GJB3: variants seen among roughly 807,000 people sequenced by gnomAD.
GJB3 encodes the protein gap junction beta-3 protein.
Under a neutral mutation model 8.1 loss-of-function variants are expected in GJB3, and 6 were observed. The ratio of observed to expected loss-of-function variants is 0.75; its 90% CI spans 0.41 to 1.47. The LOEUF is 1.47. Among genes scored for constraint, GJB3 ranks in the 40% most tolerant of loss-of-function variants. The probability of loss-of-function intolerance (pLI) is 0.02; values close to 1 mark genes in which losing one functional copy is unlikely to be tolerated. For synonymous variants in GJB3, 137 were observed against 156.4 expected (o/e 0.88, Z 0.93); for missense variants, 348 against 365.6 (o/e 0.95, Z 0.39).
At position 34,785,026 on chromosome 1, in the gene GJB3, G is replaced by A. The variant is rs201469743; in HGVS notation, c.264G>A (p.Ser88=). Residue 88 remains serine, a synonymous_variant, in exon 2 of 2, where the codon TCG becomes TCA. Transcript: ENST00000373366. The surrounding 1 kb of genome is among the most constrained non-coding windows in gnomAD (Gnocchi z 4.7). ...ALQLIFVTCP[S]LLVILHVAYR... ...AGCTCATCTTCGTCACATGCCCCTC[G>A]CTGCTGGTCATCCTGCACGTGGCCT... The A allele has an allele frequency of 3.0e-4, 483 of 1,614,080 alleles. No homozygotes were observed. The highest frequency in any genetic ancestry group is 4.7e-4 in the East Asian group (21 of 44,870).
intron 1 of GJB3, among the ~76,000 whole-genome samples, chr1:34,783,302 A>C (rs1640044969): frequency 6.6e-6 from 1 of 152,160 alleles, no homozygotes; most frequent in African/African-American, 2.4e-5. Context: ...GGGCTCTTTC[A>C]GACCCAGGGT....
rs1640087003 is a variant in GJB3 at position 34,785,215 on chromosome 1, T to G, written c.453T>G (p.Thr151=). 1.2e-6 allele frequency: 2 copies of G among 1,613,960 alleles called. No individual in the cohort carries two copies. Among genetic ancestry groups the G allele is most frequent in the Non-Finnish European group, 1.7e-6 (2 of 1,180,022 alleles). Reference sequence around the variant, plus strand: ...TCCTCTTCCTCTACCTGCTGCACACTCTCTGGCATGGCTTCAATATGCCGC... The same window carrying G: ...TCCTCTTCCTCTACCTGCTGCACACGCTCTGGCATGGCTTCAATATGCCGC... ...IEFLFLYLLH[T]LWHGFNMPRL... Residue 151 remains threonine (T), a synonymous_variant, in exon 2 of 2, where the codon ACT becomes ACG. Coordinates refer to ENST00000373366, the MANE Select transcript of GJB3 (RefSeq NM_024009.3). The surrounding 1 kb of genome is among the most constrained non-coding windows in gnomAD (Gnocchi z 4.7).
Position 34,781,789 on chromosome 1 carries a change from G to A in GJB3, c.-26+11G>A, listed in dbSNP as rs2148352810. On this transcript the variant is annotated intron_variant, in intron 1 of 1. Coordinates refer to ENST00000373366, the MANE Select transcript of GJB3 (RefSeq NM_024009.3). This position sits in a 1 kb window ranked among gnomAD's most constrained non-coding sequence, Gnocchi z 6.2. The stretch of plus-strand genomic sequence containing the variant: ...GCCAGGCCGCTGCAGGTAAGTGCTG[G>A]ACGGGGCGGGGCGAGGCTGGGCGGG... 6.6e-6 allele frequency: 1 copy of A among 152,636 alleles called. No individual in the cohort carries two copies. The highest frequency in any genetic ancestry group is 1.5e-5 in the Non-Finnish European group (1 of 68,298). The allele number at this position is 152,636 out of a possible 1,614,324, so 9.5% of individuals were successfully genotyped here. A position where few individuals can be genotyped will look rare whatever the true frequency, so the allele number is the denominator to read the frequency against.
rs1571581047 is a variant in GJB3 at position 34,785,536 on chromosome 1, C to G, written c.774C>G (p.Asn258Lys). The change falls in exon 2 of 2, where the codon AAC (asparagine) becomes AAG (lysine). Residue 258 changes from asparagine to lysine, a missense_variant. Coordinates refer to ENST00000373366, the MANE Select transcript of GJB3 (RefSeq NM_024009.3). The surrounding 1 kb of genome is among the most constrained non-coding windows in gnomAD (Gnocchi z 4.7). ...AGGTGGATCCAGACCCAGGCAATAA[C>G]AAGCTGCAGGCTTCAGCACCCAACC... ...AGEVDPDPGNNKLQASAPNLT... is the reference protein window; with the variant it reads ...AGEVDPDPGNKKLQASAPNLT... The G allele has an allele frequency of 6.2e-7, 1 of 1,614,120 alleles. No individual in the cohort carries two copies. The highest frequency in any genetic ancestry group is 2.2e-5 in the East Asian group (1 of 44,850).
chr1:34,784,659 A>G, intron 1 of GJB3, 79 bp from the exon 2 acceptor site: 1 of 939,174 alleles, frequency 1.1e-6, no homozygotes, highest in Non-Finnish European at 1.7e-6. Flanking sequence ...CAGAACTCAG[A>G]ACACTGCCTG....
intron 1 of GJB3, among the ~76,000 whole-genome samples, chr1:34,784,112 A>G (rs967287817): frequency 2.6e-5 from 4 of 152,224 alleles, no homozygotes; most frequent in Non-Finnish European, 4.4e-5. Context: ...CATAACTGCA[A>G]CTTCACAGTA....
rs1421773608 is a variant in GJB3, at chr1:34,784,875, T to G, written c.113T>G (p.Val38Gly). ...GTCTTCCGGGTGCTGGTATACGTGG[T>G]GGCTGCAGAGCGCGTGTGGGGGGAT... The part of the protein sequence containing the change: ...VFVFRVLVYV[V>G]AAERVWGDEQ... The change falls in exon 2 of 2, where the codon GTG (valine) becomes GGG (glycine). Residue 38 changes from valine to glycine, a missense_variant. Transcript: ENST00000373366. The G allele has an allele frequency of 6.2e-7, 1 of 1,614,172 alleles. No homozygotes were observed. The highest frequency in any genetic ancestry group is 1.1e-5 in the South Asian group (1 of 91,082).
chr1:34,782,630 C>T (rs1420239898), intron 1 of GJB3, among the ~76,000 whole-genome samples: 2 of 152,114 alleles, frequency 1.3e-5, no homozygotes, highest in Admixed American at 1.3e-4. Context: ...CACTCCCTTC[C>T]CCCACCACGA....
chr1:34,782,837 C>G (rs922185842), intron 1 of GJB3, among the ~76,000 whole-genome samples: 2 of 151,876 alleles, frequency 1.3e-5, no homozygotes, highest in African/African-American at 4.8e-5. Flanking sequence ...CAGGCTGCCC[C>G]CTGACCAGGA....
Position 34,781,844 on chromosome 1 carries a change from A to G in GJB3, c.-26+66A>G, listed in dbSNP as rs1469368628. 6.6e-6 allele frequency: 1 copy of G among 151,828 alleles called. No individual in the cohort carries two copies. Among genetic ancestry groups the G allele is most frequent in the Admixed American group, 6.6e-5 (1 of 15,260 alleles). 9.4% of individuals were successfully genotyped at this position (151,828 alleles called of 1,614,324 possible). A position where few individuals can be genotyped will look rare whatever the true frequency, so the allele number is the denominator to read the frequency against. ...TCAGGGGCGCCAAGCGCTCCTGGCG[A>G]CCCCCTGCGGCAGGGCTGGGGCTTG... On this transcript the variant is annotated intron_variant, in intron 1 of 1. Coordinates refer to ENST00000373366, the MANE Select transcript of GJB3 (RefSeq NM_024009.3). The surrounding 1 kb of genome is among the most constrained non-coding windows in gnomAD (Gnocchi z 6.2).
Position 34,781,938 on chromosome 1 carries a change from A to G in GJB3, c.-26+160A>G, listed in dbSNP as rs553307369. On this transcript the variant is annotated intron_variant, in intron 1 of 1. Transcript: ENST00000373366. The surrounding 1 kb of genome is among the most constrained non-coding windows in gnomAD (Gnocchi z 6.2). ...GGAGCCCGCCACCCCGTACCTCTCA[A>G]TCCTCCCTCTCGCCTCTCAATTCTG... Among the ~76,000 whole-genome samples the G allele has an allele frequency of 2.0e-5, 3 of 152,064 alleles. No individual in the cohort carries two copies. Among genetic ancestry groups the G allele is most frequent in the Non-Finnish European group, 4.4e-5 (3 of 67,968 alleles).
rs1640108579 is a variant in GJB3, at chr1:34,785,932, G to C, written c.*357G>C. 6.2e-6 allele frequency: 2 copies of C among 320,274 alleles called. No homozygotes were observed. The highest frequency in any genetic ancestry group is 4.3e-5 in the African/African-American group (2 of 46,054). 19.8% of individuals were successfully genotyped at this position (320,274 alleles called of 1,614,324 possible). A position where few individuals can be genotyped will look rare whatever the true frequency, so the allele number is the denominator to read the frequency against. ...TTCCCTGAGGACATAATGTGTAAGA[G>C]AGGTGAGAAGTGCTCCCAAGCAGAC... is the stretch of plus-strand genomic sequence containing the variant. On this transcript the variant is annotated 3_prime_UTR_variant, in exon 2 of 2. Coordinates refer to ENST00000373366, the MANE Select transcript of GJB3 (RefSeq NM_024009.3). This position sits in a 1 kb window ranked among gnomAD's most constrained non-coding sequence, Gnocchi z 4.7.
Position 34,785,110 on chromosome 1 carries a change from G to T in GJB3, c.348G>T (p.Leu116=), listed in dbSNP as rs202043889. Residue 116 remains leucine (L), a synonymous_variant, in exon 2 of 2, where the codon CTG becomes CTT. Coordinates refer to ENST00000373366, the MANE Select transcript of GJB3 (RefSeq NM_024009.3). This position sits in a 1 kb window ranked among gnomAD's most constrained non-coding sequence, Gnocchi z 4.7. ...RQKHGDQCAK[L]YDNAGKKHGG... ...AACACGGGGACCAGTGCGCCAAGCT[G>T]TACGACAACGCAGGCAAGAAGCACG... 32 of 1,614,132 alleles carry T rather than the reference G, an allele frequency of 2.0e-5. No homozygotes were observed. In the East Asian group the frequency reaches 7.1e-4, roughly 36 times the overall value.
chr1:34,782,803 A>C (rs968707443), intron 1 of GJB3, among the ~76,000 whole-genome samples: 5 of 152,056 alleles, frequency 3.3e-5, no homozygotes, highest in Non-Finnish European at 7.4e-5. Flanking sequence ...AGTGTAGGGA[A>C]GTCTTTCCCC....
chr1:34,785,217 T>C lies in GJB3; in HGVS notation c.455T>C (p.Leu152Pro), dbSNP rs773481738. Reference protein sequence around the residue: ...EFLFLYLLHTLWHGFNMPRLV... With the variant: ...EFLFLYLLHTPWHGFNMPRLV... Reference sequence around the variant, plus strand: ...CTCTTCCTCTACCTGCTGCACACTCTCTGGCATGGCTTCAATATGCCGCGC... The same window carrying C: ...CTCTTCCTCTACCTGCTGCACACTCCCTGGCATGGCTTCAATATGCCGCGC... Residue 152 changes from leucine (L) to proline (P), a missense_variant, in exon 2 of 2, where the codon CTC becomes CCC. Transcript: ENST00000373366. This position sits in a 1 kb window ranked among gnomAD's most constrained non-coding sequence, Gnocchi z 4.7. 2 of 1,614,160 alleles carry C rather than the reference T, an allele frequency of 1.2e-6. No individual in the cohort carries two copies. The highest frequency in any genetic ancestry group is 1.7e-6 in the Non-Finnish European group (2 of 1,180,030).
chr1:34,783,781 C>A (rs1571579096), intron 1 of GJB3, among the ~76,000 whole-genome samples: 2 of 152,136 alleles, frequency 1.3e-5, no homozygotes, highest in Non-Finnish European at 1.5e-5. Context: ...GGCAGACCCA[C>A]CCGTCCACAC....
In GJB3 at chr1:34,785,395, C is replaced by T; in HGVS notation, c.633C>T (p.Cys211=). 1 of 1,614,142 alleles carries T rather than the reference C, an allele frequency of 6.2e-7. No homozygotes were observed. The highest frequency in any genetic ancestry group is 1.1e-5 in the South Asian group (1 of 91,080). Residue 211 remains cysteine (C), a synonymous_variant, in exon 2 of 2, where the codon TGC becomes TGT. Coordinates refer to ENST00000373366, the MANE Select transcript of GJB3 (RefSeq NM_024009.3). This position sits in a 1 kb window ranked among gnomAD's most constrained non-coding sequence, Gnocchi z 4.7. ...LTICELCYLI[C]HRVLRGLHKD... Reference sequence around the variant, plus strand: ...TCTGTGAGCTCTGCTACCTCATCTGCCACAGGGTCCTGCGAGGCCTGCACA... The same window carrying T: ...TCTGTGAGCTCTGCTACCTCATCTGTCACAGGGTCCTGCGAGGCCTGCACA...
intron 1 of GJB3, among the ~76,000 whole-genome samples, chr1:34,782,819 C>T (rs1640034347): frequency 2.0e-5 from 3 of 151,912 alleles, no homozygotes; most frequent in South Asian, 4.2e-4. Context: ...TCCCCCAATC[C>T]CCCTGACCAG....
In GJB3 at chr1:34,785,054, C is replaced by A. The variant is rs151179820; in HGVS notation, c.292C>A (p.Arg98Ser). 4 of 1,614,122 alleles carry A rather than the reference C, an allele frequency of 2.5e-6. No individual in the cohort carries two copies. Among genetic ancestry groups the A allele is most frequent in the East Asian group, 2.2e-5 (1 of 44,872 alleles). Residue 98 changes from arginine to serine, a missense_variant, in exon 2 of 2, where the codon CGT (arginine) becomes AGT (serine). Arg to Ser is a moderately radical substitution (Grantham distance 110). Coordinates refer to ENST00000373366, the MANE Select transcript of GJB3 (RefSeq NM_024009.3). This position sits in a 1 kb window ranked among gnomAD's most constrained non-coding sequence, Gnocchi z 4.7. ...SLLVILHVAY[R>S]EERERRHRQK... Reference sequence around the variant, plus strand: ...GCTGGTCATCCTGCACGTGGCCTACCGTGAGGAGCGGGAGCGCCGGCACCG... The same window carrying A: ...GCTGGTCATCCTGCACGTGGCCTACAGTGAGGAGCGGGAGCGCCGGCACCG...
Sources: gnomAD v4.1 joint callset for allele counts (sites outside exome capture counted in the v4.1 genomes callset) on GRCh38, gnomAD v4.1.1 for gene constraint, Gnocchi (gnomAD v3.1) non-coding constraint, MANE v1.5 for transcripts, NCBI Gene and HGNC (gene_info 2026-07-23, HGNC 2026-07-21) for gene names.